The following USP25 variants were observed in gnomAD, a reference collection of about 807,000 sequenced individuals.
The protein encoded by USP25 is ubiquitin specific peptidase 25.
USP25 carries 85 observed loss-of-function variants against 158.5 expected under a neutral mutation model. The ratio of observed to expected loss-of-function variants is 0.54; its 90% confidence interval spans 0.45 to 0.64. The LOEUF (loss-of-function observed/expected upper bound fraction) is 0.64, where lower values mean the gene tolerates loss of function less well. Among genes scored for constraint, USP25 ranks in the 30% least tolerant of loss-of-function variants. USP25 has a pLI of 0.00. For missense variants in USP25, 1,242 were observed against 1,327.3 expected, an observed-to-expected ratio of 0.94 and a Z score of 1.00; for synonymous variants, 464 against 460.4, an observed-to-expected ratio of 1.01 and a Z score of -0.10.
At chr21:15,794,929 T>C (rs1055640159) in intron 5 of USP25, among the ~76,000 whole-genome samples, 7 of 151,562 alleles carry the variant, frequency 4.6e-5, no homozygotes, top group Admixed American at 1.3e-4. Flanking sequence ...CGTGAGGATA[T>C]TTTAAAAAAT....
At chr21:15,825,888 A>G (rs1483879192) in intron 12 of USP25, among the ~76,000 whole-genome samples, 2 of 152,206 alleles carry the variant, frequency 1.3e-5, no homozygotes, top group Non-Finnish European at 2.9e-5. Flanking sequence ...ACCAGATGCC[A>G]GATCTAAAAA....
At chr21:15,869,569 G>A (rs1391467536) in intron 22 of USP25, among the ~76,000 whole-genome samples, 4 of 151,966 alleles carry the variant, frequency 2.6e-5, no homozygotes, top group Admixed American at 6.6e-5. Context: ...TAAACTATTC[G>A]CCTACACACT....
At chr21:15,804,444 T>C (rs1298750007) in intron 6 of USP25, among the ~76,000 whole-genome samples, 2 of 151,538 alleles carry the variant, frequency 1.3e-5, no homozygotes, top group Non-Finnish European at 2.9e-5. Flanking sequence ...TAACTTTAGA[T>C]ATAAAATAAA....
At chr21:15,735,024 A>G (rs1043949928) in intron 1 of USP25, among the ~76,000 whole-genome samples, 2 of 152,228 alleles carry the variant, frequency 1.3e-5, no homozygotes, top group Non-Finnish European at 2.9e-5. Flanking sequence ...GAACTAAAGC[A>G]ACATTTCATC....
intron 20 of USP25, among the ~76,000 whole-genome samples, chr21:15,859,810 C>T (rs1490362853): frequency 2.0e-5 from 3 of 151,532 alleles, no homozygotes; most frequent in East Asian, 3.9e-4. Context: ...TTATTTCTAC[C>T]GATGAGTTTT....
chr21:15,803,740 T>C (rs1013757570), intron 6 of USP25, among the ~76,000 whole-genome samples: 3 of 151,980 alleles, frequency 2.0e-5, no homozygotes, highest in Non-Finnish European at 2.9e-5. Context: ...AGGGTACTTT[T>C]GAAAGTAATT....
At chr21:15,823,977 G>C in intron 10 of USP25, 62 bp from the exon 11 acceptor site, 1 of 1,517,156 alleles carries the variant, frequency 6.6e-7, no homozygotes, top group Non-Finnish European at 9.0e-7. Context: ...CTGTGCCTAA[G>C]ATTGCAGTGA....
chr21:15,793,982 A>C (rs1020631673), intron 5 of USP25, among the ~76,000 whole-genome samples: 2 of 151,604 alleles, frequency 1.3e-5, no homozygotes, highest in Non-Finnish European at 3.0e-5. Context: ...AAAATCTACC[A>C]TAGTGTTGGA....
intron 9 of USP25, among the ~76,000 whole-genome samples, chr21:15,815,727 A>G (rs1225411808): frequency 2.0e-5 from 3 of 152,202 alleles, no homozygotes; most frequent in Non-Finnish European, 2.9e-5. Context: ...TTCTCAGGAA[A>G]AAAATCAGTC....
At chr21:15,792,599 A>T (rs956180446) in intron 5 of USP25, among the ~76,000 whole-genome samples, 2 of 151,116 alleles carry the variant, frequency 1.3e-5, no homozygotes, top group Non-Finnish European at 3.0e-5. Context: ...ATGACAGCTT[A>T]AACTTTCATA....
chr21:15,755,223 C>T (rs561828748), intron 1 of USP25, among the ~76,000 whole-genome samples: 1 of 151,930 alleles, frequency 6.6e-6, no homozygotes, highest in African/African-American at 2.4e-5. Flanking sequence ...AGTTGCGCCC[C>T]CCGCCTTACA....
intron 1 of USP25, chr21:15,744,966 CGG>C (rs1415426668): frequency 6.6e-6 from 1 of 152,112 alleles, no homozygotes; most frequent in Non-Finnish European, 1.5e-5. Flanking sequence ...AGAATTCTCT[CGG>C]TTTGCTGTCT....
chr21:15,861,408 T>A (rs1351203266), intron 20 of USP25, among the ~76,000 whole-genome samples: 1 of 152,212 alleles, frequency 6.6e-6, no homozygotes, highest in African/African-American at 2.4e-5. Context: ...CATTTCATTT[T>A]GCACATGCGT....
At chr21:15,860,213 C>T (rs1425892405) in intron 20 of USP25, among the ~76,000 whole-genome samples, 2 of 152,038 alleles carry the variant, frequency 1.3e-5, no homozygotes, top group African/African-American at 2.4e-5. Context: ...AGTGCAATGG[C>T]ATGATCTCAG....
chr21:15,758,292 T>G (rs959460910), intron 1 of USP25, among the ~76,000 whole-genome samples: 4 of 152,140 alleles, frequency 2.6e-5, no homozygotes, highest in African/African-American at 9.7e-5. Context: ...AGTGATATGG[T>G]TAGCCTTTGT....
intron 6 of USP25, among the ~76,000 whole-genome samples, chr21:15,802,149 A>G (rs2036166642): frequency 6.6e-6 from 1 of 151,622 alleles, no homozygotes; most frequent in Admixed American, 6.6e-5. Flanking sequence ...TCATCATGTA[A>G]ATAGCTAAAG....
chr21:15,767,198 A>G (rs1286522014), intron 3 of USP25, among the ~76,000 whole-genome samples: 1 of 152,044 alleles, frequency 6.6e-6, no homozygotes, highest in East Asian at 1.9e-4. Context: ...CCTGTCATTC[A>G]ACACTGTGAT....
In USP25 at chr21:15,730,250, C is replaced by T; in HGVS notation, c.-144C>T. On this transcript the variant is annotated 5_prime_UTR_variant, in exon 1 of 26. Transcript: ENST00000400183. The stretch of plus-strand genomic sequence containing the variant: ...GCCCGCGCACGCCGGCCGCCATCGC[C>T]TTCGCGCCTGGCTGGCGGGGGCGCT... The T allele has an allele frequency of 1.1e-6, 1 of 910,334 alleles. No homozygotes were observed. The highest frequency in any genetic ancestry group is 1.3e-6 in the Non-Finnish European group (1 of 762,082). The allele number at this position is 910,334 out of a possible 1,614,324, so 56.4% of individuals were successfully genotyped here. A position where few individuals can be genotyped will look rare whatever the true frequency, so the allele number is the denominator to read the frequency against.
chr21:15,824,277 A>C, intron 11 of USP25, 111 bp downstream of exon 11: 1 of 1,264,484 alleles, frequency 7.9e-7, no homozygotes. Flanking sequence ...CTACTTTTGC[A>C]TAATATACCT....
Sources: gnomAD v4.1 joint callset for allele counts (sites outside exome capture counted in the v4.1 genomes callset) on GRCh38, gnomAD v4.1.1 for gene constraint, MANE v1.5 for transcripts, NCBI Gene and HGNC (gene_info 2026-07-23, HGNC 2026-07-21) for gene names.